Variants in NINJ2 observed in about 807,000 individuals in gnomAD.
The protein encoded by NINJ2 is ninjurin 2.
A neutral mutation model predicts 11.7 loss-of-function variants in NINJ2; 12 were observed. The observed-to-expected ratio is 1.02, with a 90% CI of 0.66 to 1.66. The LOEUF is 1.66. NINJ2 is among the 40% of genes most tolerant of loss of function. NINJ2 has a pLI of 0.00. For synonymous variants in NINJ2, 93 were observed against 76.8 expected (o/e 1.21, Z -1.10); for missense variants, 187 against 181.8 (o/e 1.03, Z -0.16).
At chr12:636,879 T>C (rs1948358671) in intron 1 of NINJ2, among the ~76,000 whole-genome samples, 1 of 152,186 alleles carries the variant, frequency 6.6e-6, no homozygotes, top group Admixed American at 6.5e-5. Flanking sequence ...GACTTAGCAA[T>C]TTCATTCCTA....
chr12:637,457 C>T (rs1410513981), intron 1 of NINJ2, among the ~76,000 whole-genome samples: 13 of 151,032 alleles, frequency 8.6e-5, no homozygotes, highest in Admixed American at 7.3e-4. Context: ...CTGGCCAACA[C>T]GGTGAAACCC....
intron 1 of NINJ2, among the ~76,000 whole-genome samples, chr12:657,360 C>T (rs184136113): frequency 1.3e-5 from 2 of 152,142 alleles, no homozygotes; most frequent in African/African-American, 4.8e-5. Context: ...GAGGCTGAGG[C>T]GGGTGGATCA....
At chr12:565,723 A>G in intron 2 of NINJ2, 3 of 632,710 alleles carry the variant, frequency 4.7e-6, no homozygotes, top group Middle Eastern at 4.2e-4. Flanking sequence ...TTCAGCAGGT[A>G]CTGCGGAGGG....
chr12:593,807 A>AAAG lies in NINJ2; in HGVS notation c.34-27632_34-27630dup, dbSNP rs149443832. On this transcript the variant is annotated intron_variant, in intron 1 of 3. Coordinates refer to ENST00000305108, the MANE Select transcript of NINJ2 (RefSeq NM_016533.6). ...AGTGGAAGAATAAGAGGAAGAAAGA[A>AAAG]AAGAAGAAGAAGAAGCAGCAGCAGC... Among the ~76,000 whole-genome samples the AAAG allele has an allele frequency of 3.3e-5, 5 of 152,220 alleles. No homozygotes were observed. In the South Asian group the frequency reaches 1.0e-3, roughly 32 times the overall value.
intron 1 of NINJ2, chr12:643,431 C>A (rs567944002): frequency 2.0e-6 from 2 of 987,990 alleles, no homozygotes; most frequent in Admixed American, 1.2e-4. Flanking sequence ...CGCTCCGCCG[C>A]GACGCGGCTC....
chr12:575,210 A>C (rs1485251102), intron 1 of NINJ2, among the ~76,000 whole-genome samples: 1 of 152,142 alleles, frequency 6.6e-6, no homozygotes, highest in African/African-American at 2.4e-5. Context: ...AAACACTCAC[A>C]CAAGCCCACC....
rs964929540 is a variant in NINJ2, at chr12:581,889, G to A, written c.34-15711C>T. ...AGGCGATGTCTAACTCAGCCCCAAG[G>A]TGTCCTGAGAACCAGATTCTCCGCG... On this transcript the variant is annotated intron_variant, in intron 1 of 3. Coordinates refer to ENST00000305108, the MANE Select transcript of NINJ2 (RefSeq NM_016533.6). This position sits in a 1 kb window ranked among gnomAD's most constrained non-coding sequence, Gnocchi z 4.9. Among the ~76,000 whole-genome samples the A allele has an allele frequency of 1.3e-5, 2 of 152,086 alleles. No homozygotes were observed. The highest frequency in any genetic ancestry group is 2.9e-5 in the Non-Finnish European group (2 of 68,026).
intron 1 of NINJ2, among the ~76,000 whole-genome samples, chr12:661,856 T>G (rs959686468): frequency 3.9e-5 from 6 of 152,230 alleles, no homozygotes; most frequent in African/African-American, 1.4e-4. Context: ...AACTCATTCA[T>G]TTAACAAATG....
At chr12:584,755 G>A (rs1270567791) in intron 1 of NINJ2, among the ~76,000 whole-genome samples, 1 of 152,122 alleles carries the variant, frequency 6.6e-6, no homozygotes, top group South Asian at 2.1e-4. Context: ...GCAGTGAGCC[G>A]AGATTGCGCC....
Position 585,409 on chromosome 12 carries a change from C to T in NINJ2, c.34-19231G>A, listed in dbSNP as rs144735327. ...GACAATCCCACACCAGGAAGCCCCA[C>T]GATTCAACAGCACCACCCAGGATTT... On this transcript the variant is annotated intron_variant, in intron 1 of 3. Coordinates refer to ENST00000305108, the MANE Select transcript of NINJ2 (RefSeq NM_016533.6). The surrounding 1 kb of genome is among the most constrained non-coding windows in gnomAD (Gnocchi z 4.1). Among the ~76,000 whole-genome samples the T allele has an allele frequency of 1.3e-5, 2 of 152,290 alleles. No homozygotes were observed. The highest frequency in any genetic ancestry group is 2.1e-4 in the South Asian group (1 of 4,822).
At chr12:569,054 G>A (rs907230364) in intron 1 of NINJ2, among the ~76,000 whole-genome samples, 3 of 152,212 alleles carry the variant, frequency 2.0e-5, no homozygotes, top group African/African-American at 7.2e-5. Flanking sequence ...ATCTTCCTTC[G>A]TGTTTGATTT....
At chr12:573,265 G>A (rs1947404164) in intron 1 of NINJ2, among the ~76,000 whole-genome samples, 2 of 151,680 alleles carry the variant, frequency 1.3e-5, no homozygotes, top group Admixed American at 1.3e-4. Flanking sequence ...GACCTCAGGT[G>A]ATTCACCTGC....
intron 1 of NINJ2, among the ~76,000 whole-genome samples, chr12:617,532 C>T (rs1184977632): frequency 6.6e-6 from 1 of 152,242 alleles, no homozygotes; most frequent in African/African-American, 2.4e-5. Context: ...CTGGCCTTGA[C>T]ATTAGAGGAT....
At chr12:576,430 G>C (rs1450846477) in intron 1 of NINJ2, among the ~76,000 whole-genome samples, 1 of 152,256 alleles carries the variant, frequency 6.6e-6, no homozygotes, top group African/African-American at 2.4e-5. Context: ...GAGTGTGTAG[G>C]GAAGAACAGG....
At chr12:612,688 A>G (rs966936498) in intron 1 of NINJ2, among the ~76,000 whole-genome samples, 2 of 152,102 alleles carry the variant, frequency 1.3e-5, no homozygotes, top group African/African-American at 4.8e-5. Context: ...AGAGATCCTG[A>G]CACTTTATGA....
intron 1 of NINJ2, among the ~76,000 whole-genome samples, chr12:602,466 G>A (rs558826474): frequency 5.3e-5 from 8 of 152,244 alleles, no homozygotes; most frequent in African/African-American, 1.9e-4. Flanking sequence ...TCAGTACTTC[G>A]TTTCTTTTTA....
rs1417224559 is a variant in NINJ2, at chr12:624,847, G to A, written c.33+38481C>T. ...AAGATGGCTGGGCGCGGTGGCTCAC[G>A]CCTGTAATCCCAGCACTTTGGGAGG... On this transcript the variant is annotated intron_variant, in intron 1 of 3. Coordinates refer to ENST00000305108, the MANE Select transcript of NINJ2 (RefSeq NM_016533.6). Among the ~76,000 whole-genome samples the A allele has an allele frequency of 1.3e-4, 19 of 147,584 alleles. 1 individual carries two copies. Among genetic ancestry groups the A allele is most frequent in the Middle Eastern group, 3.9e-3 (1 of 256 alleles).
chr12:565,491 G>T, intron 2 of NINJ2, 90 bp from the exon 3 acceptor site: 2 of 1,339,036 alleles, frequency 1.5e-6, no homozygotes, highest in South Asian at 2.7e-5. Flanking sequence ...TTGGAGAGAG[G>T]GGCCCTTCAG....
rs1015989714 is a variant in NINJ2, at chr12:633,310, C to T, written c.33+30018G>A. On this transcript the variant is annotated intron_variant, in intron 1 of 3. Coordinates refer to ENST00000305108, the MANE Select transcript of NINJ2 (RefSeq NM_016533.6). The surrounding 1 kb of genome is among the most constrained non-coding windows in gnomAD (Gnocchi z 4.3). ...GTCAGCAGTTCAAGACCAACTTGGC[C>T]AACATGGTGAAACCCTGTCTCTACT... Among the ~76,000 whole-genome samples, 2 of 152,048 alleles carry T rather than the reference C, an allele frequency of 1.3e-5. No individual in the cohort carries two copies. Among genetic ancestry groups the T allele is most frequent in the African/African-American group, 4.8e-5 (2 of 41,380 alleles).
Sources: gnomAD v4.1 joint callset for allele counts (sites outside exome capture counted in the v4.1 genomes callset) on GRCh38, gnomAD v4.1.1 for gene constraint, Gnocchi (gnomAD v3.1) non-coding constraint, MANE v1.5 for transcripts, NCBI Gene and HGNC (gene_info 2026-07-23, HGNC 2026-07-21) for gene names.